PCSK2: variants seen among roughly 807,000 people sequenced by gnomAD.
The protein encoded by PCSK2 is proprotein convertase subtilisin/kexin type 2.
PCSK2 carries 14 observed loss-of-function variants against 69.7 expected under a neutral mutation model. The ratio of observed to expected loss-of-function variants is 0.20; its 90% CI spans 0.13 to 0.31. The LOEUF (loss-of-function observed/expected upper bound fraction) is 0.31. Ranked by LOEUF, PCSK2 falls within the 10% of genes least tolerant of loss-of-function variation. PCSK2 has a pLI of 1.00. For missense variants in PCSK2, 544 were observed against 842.5 expected (o/e 0.65, Z 4.39); for synonymous variants, 307 against 320.7 (o/e 0.96, Z 0.46).
At chr20:17,232,658 T>C (rs1301028477) in intron 1 of PCSK2, among the ~76,000 whole-genome samples, 2 of 152,204 alleles carry the variant, frequency 1.3e-5, no homozygotes, top group Admixed American at 1.3e-4. Flanking sequence ...ACAACAATGT[T>C]CAATCCAGAT....
chr20:17,274,716 C>A (rs1393486317), intron 2 of PCSK2, among the ~76,000 whole-genome samples: 1 of 152,060 alleles, frequency 6.6e-6, no homozygotes, highest in African/African-American at 2.4e-5. Context: ...TCATGTCTTT[C>A]CTGAATTCCT....
intron 2 of PCSK2, among the ~76,000 whole-genome samples, chr20:17,284,960 G>A (rs1205741513): frequency 2.6e-5 from 4 of 152,162 alleles, no homozygotes; most frequent in Non-Finnish European, 4.4e-5. Flanking sequence ...CTGGAATTCA[G>A]GATCTGGAAA....
chr20:17,368,399 C>CA (rs2030662933), intron 4 of PCSK2, among the ~76,000 whole-genome samples: 2 of 152,164 alleles, frequency 1.3e-5, no homozygotes, highest in South Asian at 4.1e-4. Flanking sequence ...GGTTGGGACT[C>CA]AAATGCCTGT....
intron 7 of PCSK2, among the ~76,000 whole-genome samples, chr20:17,433,885 CT>C (rs1292824020): frequency 1.3e-5 from 1 of 77,158 alleles, no homozygotes; most frequent in Non-Finnish European, 2.7e-5. Flanking sequence ...TCCCCTCCTC[CT>C]CCCCCCCCCT....
chr20:17,239,840 A>ATTTTTT (rs1986493012), intron 1 of PCSK2, among the ~76,000 whole-genome samples: 1 of 82,322 alleles, frequency 1.2e-5, no homozygotes, highest in African/African-American at 5.1e-5. Flanking sequence ...AGGTGAAAAC[A>ATTTTTT]CTTTTTTTTT....
chr20:17,250,330 G>A (rs183574337), intron 1 of PCSK2, among the ~76,000 whole-genome samples: 7 of 152,256 alleles, frequency 4.6e-5, no homozygotes, highest in Admixed American at 4.6e-4. Flanking sequence ...GTACTGGTCA[G>A]TTATGAGTTT....
intron 1 of PCSK2, among the ~76,000 whole-genome samples, chr20:17,249,837 G>A (rs188053983): frequency 7.0e-6 from 1 of 142,894 alleles, no homozygotes; most frequent in Non-Finnish European, 1.5e-5. Flanking sequence ...TTCCAGGGCT[G>A]GGGGGGGAAT....
chr20:17,232,332 C>T (rs199520641), intron 1 of PCSK2, among the ~76,000 whole-genome samples: 2 of 152,204 alleles, frequency 1.3e-5, no homozygotes, highest in East Asian at 3.8e-4. Context: ...CACATTCTCA[C>T]CAACACTAGA....
At chr20:17,349,814 T>C (rs2029922112) in intron 2 of PCSK2, among the ~76,000 whole-genome samples, 1 of 152,160 alleles carries the variant, frequency 6.6e-6, no homozygotes, top group Non-Finnish European at 1.5e-5. Context: ...GGCTGGTCAT[T>C]TGAATTACCT....
intron 2 of PCSK2, among the ~76,000 whole-genome samples, chr20:17,297,470 G>T (rs1274368657): frequency 6.6e-6 from 1 of 152,184 alleles, no homozygotes; most frequent in Non-Finnish European, 1.5e-5. Flanking sequence ...ATCATGAATG[G>T]ATCCAGATTC....
rs12480033 is a variant in PCSK2, at chr20:17,232,761, C to T, written c.177+5279C>T. Among the ~76,000 whole-genome samples, 11 of 151,736 alleles carry T rather than the reference C, an allele frequency of 7.2e-5. No individual in the cohort carries two copies. The South Asian group carries it at 8.3e-4, about 11-fold the overall frequency. On this transcript the variant is annotated intron_variant, in intron 1 of 11. Coordinates refer to ENST00000262545, the MANE Select transcript of PCSK2 (RefSeq NM_002594.5). Reference sequence around the variant, plus strand: ...TTTCCACATCCCCTATCCCAAAGTTCTTTAGATCAAAATTGACAATATTTG... The same window carrying T: ...TTTCCACATCCCCTATCCCAAAGTTTTTTAGATCAAAATTGACAATATTTG...
At chr20:17,392,816 T>A (rs980938568) in intron 5 of PCSK2, among the ~76,000 whole-genome samples, 2 of 152,250 alleles carry the variant, frequency 1.3e-5, no homozygotes, top group African/African-American at 4.8e-5. Flanking sequence ...TGTTTATCTG[T>A]TTTCCAGTCT....
At chr20:17,276,475 CACA>C (rs1230587677) in intron 2 of PCSK2, among the ~76,000 whole-genome samples, 2 of 151,794 alleles carry the variant, frequency 1.3e-5, no homozygotes, top group African/African-American at 4.8e-5. Context: ...CACACACACA[CACA>C]CATACCATGT....
intron 2 of PCSK2, among the ~76,000 whole-genome samples, chr20:17,300,702 T>C (rs1024918547): frequency 6.6e-6 from 1 of 152,230 alleles, no homozygotes; most frequent in African/African-American, 2.4e-5. Flanking sequence ...CATTTTCATA[T>C]TTTTTAGTTA....
At chr20:17,289,545 A>T (rs988697376) in intron 2 of PCSK2, among the ~76,000 whole-genome samples, 5 of 152,236 alleles carry the variant, frequency 3.3e-5, no homozygotes, top group Non-Finnish European at 7.3e-5. Context: ...GTAACTATTT[A>T]AAAATACTTT....
At chr20:17,325,154 G>T (rs1600492689) in intron 2 of PCSK2, among the ~76,000 whole-genome samples, 1 of 152,020 alleles carries the variant, frequency 6.6e-6, no homozygotes, top group East Asian at 1.9e-4. Context: ...CATGTCATTT[G>T]CCTCCCTCCC....
At chr20:17,427,423 T>C (rs1376011478) in intron 6 of PCSK2, among the ~76,000 whole-genome samples, 3 of 152,074 alleles carry the variant, frequency 2.0e-5, no homozygotes, top group African/African-American at 7.2e-5. Flanking sequence ...AGGTTTTCAT[T>C]TGGACACCCC....
At chr20:17,358,044 G>A (rs1369604177) in intron 2 of PCSK2, among the ~76,000 whole-genome samples, 2 of 152,062 alleles carry the variant, frequency 1.3e-5, no homozygotes, top group African/African-American at 4.8e-5. Flanking sequence ...AGTGGCTCAC[G>A]CCTGTAATCC....
At chr20:17,423,404 T>C (rs2032175084) in intron 6 of PCSK2, among the ~76,000 whole-genome samples, 1 of 152,024 alleles carries the variant, frequency 6.6e-6, no homozygotes, top group South Asian at 2.1e-4. Flanking sequence ...GGGTTCTTTT[T>C]ATGTAGATGA....
Sources: allele counts gnomAD v4.1 joint callset (sites outside exome capture counted in the v4.1 genomes callset), GRCh38; gene constraint gnomAD v4.1.1; transcripts MANE v1.5; gene names NCBI Gene and HGNC (gene_info 2026-07-23, HGNC 2026-07-21).